Variants in CPE observed in about 807,000 individuals in gnomAD.
CPE encodes the protein carboxypeptidase E.
CPE carries 17 observed loss-of-function variants against 53.5 expected under a neutral mutation model. That is an observed-to-expected ratio of 0.32 (90% CI 0.22 to 0.48). The LOEUF (loss-of-function observed/expected upper bound fraction) is 0.48, where lower values mean the gene tolerates loss of function less well. Among genes scored for constraint, CPE ranks in the 20% least tolerant of loss-of-function variants. The pLI is 0.99. For synonymous variants in CPE, 226 were observed against 228.8 expected, an observed-to-expected ratio of 0.99 and a Z score of 0.11; for missense variants, 524 against 614.7, an observed-to-expected ratio of 0.85 and a Z score of 1.56.
At chr4:165,421,255 C>T (rs1447392575) in intron 1 of CPE, among the ~76,000 whole-genome samples, 3 of 152,134 alleles carry the variant, frequency 2.0e-5, no homozygotes, top group Non-Finnish European at 4.4e-5. Context: ...TTGCTGTGCT[C>T]TATAGGTTAA....
chr4:165,462,062 C>CA (rs1336507973), intron 1 of CPE, among the ~76,000 whole-genome samples: 1 of 152,162 alleles, frequency 6.6e-6, no homozygotes, highest in Non-Finnish European at 1.5e-5. Flanking sequence ...CTCACAAATA[C>CA]ATAGATATAT....
chr4:165,428,705 A>G (rs1192895642), intron 1 of CPE, among the ~76,000 whole-genome samples: 3 of 152,036 alleles, frequency 2.0e-5, no homozygotes, highest in African/African-American at 7.2e-5. Context: ...TTCCTTTTCC[A>G]GCTCCTGGTG....
intron 1 of CPE, among the ~76,000 whole-genome samples, chr4:165,433,230 G>A (rs890362475): frequency 6.6e-6 from 1 of 152,102 alleles, no homozygotes; most frequent in East Asian, 1.9e-4. Flanking sequence ...GATTGGTTAA[G>A]GACTAAAAGT....
chr4:165,404,815 G>C, intron 1 of CPE: 2 of 769,086 alleles, frequency 2.6e-6, no homozygotes, highest in Non-Finnish European at 4.9e-6. Context: ...AAGTCTTCTT[G>C]GTTGTGATCA....
At chr4:165,392,469 T>C (rs1415289537) in intron 1 of CPE, among the ~76,000 whole-genome samples, 2 of 145,870 alleles carry the variant, frequency 1.4e-5, no homozygotes, top group Non-Finnish European at 3.0e-5. Context: ...TAATATGTAA[T>C]ATACATATAT....
chr4:165,434,909 G>A (rs1292418807), intron 1 of CPE, among the ~76,000 whole-genome samples: 1 of 152,022 alleles, frequency 6.6e-6, no homozygotes, highest in Non-Finnish European at 1.5e-5. Flanking sequence ...ACTGTAATGA[G>A]TGAGTTTTGC....
chr4:165,493,548 C>G (rs909020840), intron 7 of CPE, among the ~76,000 whole-genome samples: 2 of 152,062 alleles, frequency 1.3e-5, no homozygotes, highest in Non-Finnish European at 2.9e-5. Context: ...CACAGGCTGC[C>G]GATTCTTCGC....
At chr4:165,436,312 TGCAG>T (rs1731501005) in intron 1 of CPE, among the ~76,000 whole-genome samples, 1 of 152,142 alleles carries the variant, frequency 6.6e-6, no homozygotes, top group African/African-American at 2.4e-5. Context: ...AGTCATGACT[TGCAG>T]TTGGAAAAAC....
chr4:165,379,514 G>C lies in CPE; in HGVS notation c.293G>C (p.Gly98Ala), dbSNP rs1296619599. ...LLVIELSDNPGVHEPGEPEFK... is the reference protein window; with the variant it reads ...LLVIELSDNPAVHEPGEPEFK... ...GTCATCGAGCTGTCCGACAACCCTG[G>C]CGTCCATGAGCCTGGTAAGGGCGCT... Residue 98 changes from glycine to alanine, a missense_variant, in exon 1 of 9, where the codon GGC becomes GCC. Gly to Ala is a moderately conservative substitution (Grantham distance 60). Transcript: ENST00000402744. This position sits in a 1 kb window ranked among gnomAD's most constrained non-coding sequence, Gnocchi z 6.0. The C allele has an allele frequency of 6.3e-7, 1 of 1,587,670 alleles. No homozygotes were observed. The highest frequency in any genetic ancestry group is 1.1e-5 in the South Asian group (1 of 88,750).
intron 1 of CPE, among the ~76,000 whole-genome samples, chr4:165,422,231 CATCATT>C (rs1731236016): frequency 1.3e-5 from 2 of 151,988 alleles, no homozygotes; most frequent in African/African-American, 4.8e-5. Context: ...TAGTCTATTT[CATCATT>C]ATCATTATCA....
intron 1 of CPE, chr4:165,404,905 G>T: frequency 2.6e-6 from 2 of 761,090 alleles, no homozygotes; most frequent in East Asian, 2.5e-5. Context: ...TGACAGCAGC[G>T]ATTTCACTGA....
At position 165,484,406 on chromosome 4, in the gene CPE, TG is replaced by T. The variant is rs987916898; in HGVS notation, c.791-14del. ...GTCTGTGTCTGTTTCTTTAATCTTGTGGATTTGTTTTCTAGGTAGTGCTCAC... is the reference window on the plus strand; with the variant it reads ...GTCTGTGTCTGTTTCTTTAATCTTGTGATTTGTTTTCTAGGTAGTGCTCAC... On this transcript the variant is annotated splice_polypyrimidine_tract_variant and intron_variant, in intron 4 of 8. Transcript: ENST00000402744. 4 of 1,609,400 alleles carry T rather than the reference TG, an allele frequency of 2.5e-6. No individual in the cohort carries two copies. The highest frequency in any genetic ancestry group is 3.4e-6 in the Non-Finnish European group (4 of 1,176,582).
chr4:165,383,503 G>A (rs191948049), intron 1 of CPE, among the ~76,000 whole-genome samples: 61 of 152,248 alleles, frequency 4.0e-4, no homozygotes, highest in Non-Finnish European at 7.8e-4. Flanking sequence ...TCTTTTACAC[G>A]TAGTTCAAGA....
chr4:165,404,162 C>A (rs530132668), intron 1 of CPE: 1 of 762,540 alleles, frequency 1.3e-6, no homozygotes, highest in African/African-American at 1.7e-5. Flanking sequence ...CTTCTTGAGC[C>A]GGTCCACTAT....
intron 3 of CPE, among the ~76,000 whole-genome samples, chr4:165,475,086 C>A (rs1257688522): frequency 6.6e-6 from 1 of 152,150 alleles, no homozygotes; most frequent in Non-Finnish European, 1.5e-5. Flanking sequence ...CATTTATTTG[C>A]CCTCTTAACA....
In CPE at chr4:165,379,974, A is replaced by G. The variant is rs1041330461; in HGVS notation, c.307+446A>G. Among the ~76,000 whole-genome samples, 1 of 152,252 alleles carries G rather than the reference A, an allele frequency of 6.6e-6. No individual in the cohort carries two copies. Among genetic ancestry groups the G allele is most frequent in the East Asian group, 1.9e-4 (1 of 5,206 alleles). ...CTTCCTTGCTGACAAGAGTAGAAAG[A>G]TAAGGTGCAGAAGGCAGTGATTGAG... On this transcript the variant is annotated intron_variant, in intron 1 of 8. Coordinates refer to ENST00000402744, the MANE Select transcript of CPE (RefSeq NM_001873.4). The surrounding 1 kb of genome is among the most constrained non-coding windows in gnomAD (Gnocchi z 6.0).
chr4:165,425,606 T>C (rs893021262), intron 1 of CPE, among the ~76,000 whole-genome samples: 8 of 151,606 alleles, frequency 5.3e-5, no homozygotes, highest in Non-Finnish European at 1.0e-4. Flanking sequence ...GACAATAAAG[T>C]CAAATCATCC....
chr4:165,394,491 T>C (rs1459402715), intron 1 of CPE, among the ~76,000 whole-genome samples: 1 of 152,022 alleles, frequency 6.6e-6, no homozygotes, highest in Admixed American at 6.6e-5. Flanking sequence ...CAACCCTCAG[T>C]TGTGTGCACC....
At chr4:165,386,501 A>T (rs1257122557) in intron 1 of CPE, among the ~76,000 whole-genome samples, 2 of 152,234 alleles carry the variant, frequency 1.3e-5, no homozygotes, top group Non-Finnish European at 2.9e-5. Context: ...CAGTAGTGTG[A>T]TAACAAGAAA....
Sources: allele counts gnomAD v4.1 joint callset (sites outside exome capture counted in the v4.1 genomes callset), GRCh38; gene constraint gnomAD v4.1.1; non-coding constraint Gnocchi (gnomAD v3.1); transcripts MANE v1.5; gene names NCBI Gene and HGNC (gene_info 2026-07-23, HGNC 2026-07-21).